The following RARB variants were observed in gnomAD, a reference collection of about 807,000 sequenced individuals.
RARB encodes the protein HBV-activated protein.
Under a neutral mutation model 51.9 loss-of-function variants are expected in RARB, and 17 were observed. That is an observed-to-expected ratio of 0.33 (90% CI 0.22 to 0.49). The LOEUF (loss-of-function observed/expected upper bound fraction) is 0.49. Among genes scored for constraint, RARB ranks in the 20% least tolerant of loss-of-function variants. RARB has a pLI of 0.99. For synonymous variants in RARB, 215 were observed against 195.4 expected (o/e 1.10, Z -0.84); for missense variants, 369 against 550.8 (o/e 0.67, Z 3.30).
intron 2 of RARB, among the ~76,000 whole-genome samples, chr3:24,915,185 G>C (rs530104883): frequency 1.1e-4 from 16 of 152,210 alleles, no homozygotes; most frequent in Admixed American, 7.2e-4. Context: ...TTTTTTGAAA[G>C]AGAGGCTTTC....
intron 3 of RARB, among the ~76,000 whole-genome samples, chr3:25,524,332 C>A (rs2125635527): frequency 6.6e-6 from 1 of 152,276 alleles, no homozygotes; most frequent in South Asian, 2.1e-4. Flanking sequence ...GAAAATCAAA[C>A]TGTTCAGAAA....
chr3:25,072,609 C>T (rs1011460717), intron 3 of RARB, among the ~76,000 whole-genome samples: 1 of 152,100 alleles, frequency 6.6e-6, no homozygotes, highest in Admixed American at 6.5e-5. Flanking sequence ...TTGGAGGCCA[C>T]GGTCTGATGT....
chr3:25,233,647 C>T (rs1234014573), intron 5 of RARB, among the ~76,000 whole-genome samples: 2 of 152,052 alleles, frequency 1.3e-5, no homozygotes, highest in Non-Finnish European at 2.9e-5. Flanking sequence ...CAGTCTTTCA[C>T]CCTTTAGCAT....
chr3:25,033,749 C>T (rs960473346), intron 2 of RARB, among the ~76,000 whole-genome samples: 16 of 152,116 alleles, frequency 1.1e-4, no homozygotes, highest in African/African-American at 3.6e-4. Flanking sequence ...AGCTTGGAAC[C>T]ACACAGGGAA....
intron 2 of RARB, among the ~76,000 whole-genome samples, chr3:25,058,985 A>G (rs1575140638): frequency 6.6e-6 from 1 of 151,730 alleles, no homozygotes; most frequent in Admixed American, 6.6e-5. Flanking sequence ...TTCTACCACC[A>G]AGAGATAACC....
intron 5 of RARB, among the ~76,000 whole-genome samples, chr3:25,237,392 T>C (rs749587295): frequency 2.6e-4 from 40 of 152,276 alleles, no homozygotes; most frequent in Admixed American, 5.9e-4. Flanking sequence ...GTCATTTATT[T>C]TTCTTTTTGC....
At chr3:24,985,156 G>A (rs1420650369) in intron 2 of RARB, among the ~76,000 whole-genome samples, 1 of 152,140 alleles carries the variant, frequency 6.6e-6, no homozygotes, top group Non-Finnish European at 1.5e-5. Flanking sequence ...AACATTAGCA[G>A]TAATTTTGGT....
chr3:25,358,515 A>G (rs140244335), intron 5 of RARB, among the ~76,000 whole-genome samples: 12,504 of 152,178 alleles, frequency 0.082, 722 homozygotes, highest in South Asian at 0.19. Context: ...TTCCAATACT[A>G]TGTTGAATAG....
chr3:25,016,602 A>G lies in RARB; in HGVS notation c.-379-43523A>G, dbSNP rs1212747723. ...TTTAGAAGAAAGTACGGTGGATACA[A>G]TCATCTTAGTACAAAACTTAAGTGT... is the stretch of plus-strand genomic sequence containing the variant. On this transcript the variant is annotated intron_variant, in intron 2 of 11. Transcript: ENST00000383772. Among the ~76,000 whole-genome samples the G allele has an allele frequency of 5.3e-5, 8 of 152,208 alleles. No homozygotes were observed. In the East Asian group the frequency reaches 7.7e-4, roughly 15 times the overall value.
At chr3:25,305,994 T>C (rs565053759) in intron 5 of RARB, among the ~76,000 whole-genome samples, 4 of 152,316 alleles carry the variant, frequency 2.6e-5, no homozygotes, top group East Asian at 1.9e-4. Flanking sequence ...ATCTGCCATA[T>C]AGAGAGCTTA....
intron 3 of RARB, among the ~76,000 whole-genome samples, chr3:25,079,007 A>T (rs562268452): frequency 1.3e-4 from 19 of 151,968 alleles, no homozygotes; most frequent in Non-Finnish European, 2.5e-4. Context: ...AATATTGAGT[A>T]TTCTAAGCCA....
intron 3 of RARB, among the ~76,000 whole-genome samples, chr3:25,077,672 C>G (rs1698897994): frequency 6.6e-6 from 1 of 151,950 alleles, no homozygotes; most frequent in African/African-American, 2.4e-5. Flanking sequence ...TAGATACATA[C>G]TTTCATTTCT....
At chr3:25,472,769 G>C (rs1229366680) in intron 2 of RARB, among the ~76,000 whole-genome samples, 1 of 152,126 alleles carries the variant, frequency 6.6e-6, no homozygotes, top group Non-Finnish European at 1.5e-5. Flanking sequence ...ATTCAGCTTT[G>C]ACATTTTGAG....
At chr3:24,953,633 G>A (rs1292666046) in intron 2 of RARB, among the ~76,000 whole-genome samples, 1 of 152,178 alleles carries the variant, frequency 6.6e-6, no homozygotes, top group African/African-American at 2.4e-5. Flanking sequence ...GATAGACACT[G>A]AATAGATAGT....
At chr3:25,393,083 T>A (rs2125488697) in intron 5 of RARB, among the ~76,000 whole-genome samples, 1 of 152,162 alleles carries the variant, frequency 6.6e-6, no homozygotes, top group South Asian at 2.1e-4. Flanking sequence ...ATTTTGCTGA[T>A]GTTTTCATCA....
intron 3 of RARB, among the ~76,000 whole-genome samples, chr3:25,088,345 A>G (rs1699137940): frequency 6.6e-6 from 1 of 152,158 alleles, no homozygotes; most frequent in African/African-American, 2.4e-5. Flanking sequence ...TTGTCTGTCA[A>G]GAGTTTTATT....
At position 25,313,066 on chromosome 3, in the gene RARB, C is replaced by T. The variant is rs79389509; in HGVS notation, c.178+138491C>T. Among the ~76,000 whole-genome samples, 13 of 152,314 alleles carry T rather than the reference C, an allele frequency of 8.5e-5. No homozygotes were observed. In the East Asian group the frequency reaches 1.7e-3, roughly 20 times the overall value. On this transcript the variant is annotated intron_variant, in intron 5 of 11. Transcript: ENST00000383772. ...GGGCAGATTACTTTCCATGTTAAGGCTTCCATTTCTATTTCCATTCTGTAA... is the reference window on the plus strand; with the variant it reads ...GGGCAGATTACTTTCCATGTTAAGGTTTCCATTTCTATTTCCATTCTGTAA...
intron 2 of RARB, among the ~76,000 whole-genome samples, chr3:25,483,329 A>T (rs971148501): frequency 6.6e-6 from 1 of 152,188 alleles, no homozygotes; most frequent in Non-Finnish European, 1.5e-5. Context: ...TCACTAGTTT[A>T]TTTAGTTGAA....
chr3:25,218,580 A>G (rs1459827693), intron 5 of RARB, among the ~76,000 whole-genome samples: 1 of 152,150 alleles, frequency 6.6e-6, no homozygotes, highest in African/African-American at 2.4e-5. Flanking sequence ...GATGACCTCT[A>G]TTTACCCAGA....
Sources: allele counts gnomAD v4.1 joint callset (sites outside exome capture counted in the v4.1 genomes callset), GRCh38; gene constraint gnomAD v4.1.1; transcripts MANE v1.5; gene names NCBI Gene and HGNC (gene_info 2026-07-23, HGNC 2026-07-21).